NF1: variants seen among roughly 807,000 people sequenced by gnomAD.
NF1 encodes neurofibromin 1.
NF1 carries 122 observed loss-of-function variants against 325.7 expected under a neutral mutation model. The observed-to-expected ratio is 0.37, with a 90% CI of 0.32 to 0.44. NF1 has a LOEUF of 0.44. Among genes scored for constraint, NF1 ranks in the 20% least tolerant of loss-of-function variants. NF1 has a pLI of 1.00. For synonymous variants in NF1, 1,091 were observed against 1,186.0 expected (o/e 0.92, Z 1.65); for missense variants, 2,140 against 3,415.4 (o/e 0.63, Z 9.31).
intron 8 of NF1, among the ~76,000 whole-genome samples, chr17:31,187,983 GA>G (rs1235920751): frequency 1.3e-5 from 2 of 152,222 alleles, no homozygotes; most frequent in African/African-American, 4.8e-5. Context: ...CTCCATAGCG[GA>G]GGTAAAGAAG....
chr17:31,193,448 T>A lies in NF1; in HGVS notation c.889-6974T>A, dbSNP rs1417824561. On this transcript the variant is annotated intron_variant, in intron 8 of 57. Transcript: ENST00000358273. ...CTCAGCCTTCAGATAGCTGCAACTA[T>A]AAGCATGCACCACCGCACCCAGCTT... 2.6e-5 allele frequency among the ~76,000 whole-genome samples: 4 copies of A among 152,230 alleles called. No homozygotes were observed. The East Asian group carries it at 7.7e-4, about 29-fold the overall frequency.
At chr17:31,338,932 T>C (rs2069751854) in intron 46 of NF1, 127 bp downstream of exon 46, 3 of 684,030 alleles carry the variant, frequency 4.4e-6, no homozygotes, top group Non-Finnish European at 7.8e-6. Flanking sequence ...ATAGTTAAAG[T>C]AGAACCTCTT....
intron 36 of NF1, chr17:31,299,385 A>G (rs964837402): frequency 6.6e-6 from 1 of 152,100 alleles, no homozygotes; most frequent in Non-Finnish European, 1.5e-5. Flanking sequence ...GTTACAACTT[A>G]TTTTAAATAT....
At chr17:31,343,408 G>A (rs2069880061) in intron 48 of NF1, among the ~76,000 whole-genome samples, 2 of 151,980 alleles carry the variant, frequency 1.3e-5, no homozygotes, top group Admixed American at 1.3e-4. Flanking sequence ...AGCCAGGCAT[G>A]GTGGCACGTG....
intron 1 of NF1, among the ~76,000 whole-genome samples, chr17:31,120,777 T>TA (rs1482162120): frequency 6.8e-6 from 1 of 147,982 alleles, no homozygotes; most frequent in Admixed American, 6.6e-5. Context: ...TCCCAGAACT[T>TA]AAAGTATTTA....
chr17:31,325,581 G>A (rs2069320060), intron 36 of NF1, among the ~76,000 whole-genome samples: 2 of 152,108 alleles, frequency 1.3e-5, no homozygotes, highest in Non-Finnish European at 2.9e-5. Context: ...TGACTCATGG[G>A]CAAATTTTTT....
intron 36 of NF1, chr17:31,304,414 T>C (rs901270381): frequency 1.2e-6 from 2 of 1,613,954 alleles, no homozygotes; most frequent in Non-Finnish European, 1.7e-6. Context: ...GTTAAGTGAG[T>C]CAAGCGGTGG....
chr17:31,103,751 CT>C (rs1912584626), intron 1 of NF1, among the ~76,000 whole-genome samples: 1 of 151,908 alleles, frequency 6.6e-6, no homozygotes, highest in Non-Finnish European at 1.5e-5. Context: ...GGGAGGATCA[CT>C]TGGGCCTCAG....
At chr17:31,212,687 G>C (rs2066749514) in intron 12 of NF1, among the ~76,000 whole-genome samples, 1 of 152,190 alleles carries the variant, frequency 6.6e-6, no homozygotes, top group African/African-American at 2.4e-5. Context: ...TCCAGCCTGG[G>C]CAACAAAGTG....
At chr17:31,141,489 A>G (rs1916213388) in intron 1 of NF1, among the ~76,000 whole-genome samples, 1 of 152,132 alleles carries the variant, frequency 6.6e-6, no homozygotes, top group Admixed American at 6.5e-5. Flanking sequence ...TAGAATTTAA[A>G]TGTTATCCTT....
intron 36 of NF1, among the ~76,000 whole-genome samples, chr17:31,290,382 T>G (rs2068322111): frequency 6.6e-6 from 1 of 152,228 alleles, no homozygotes. Context: ...TCATCTCATT[T>G]ATTGAGTCTT....
chr17:31,175,721 C>A (rs1430689175), intron 5 of NF1, among the ~76,000 whole-genome samples: 2 of 152,066 alleles, frequency 1.3e-5, no homozygotes, highest in African/African-American at 4.8e-5. Context: ...GGTCCTCTCC[C>A]TGTGTACATG....
At chr17:31,259,714 A>G (rs2067650364) in intron 33 of NF1, among the ~76,000 whole-genome samples, 1 of 152,182 alleles carries the variant, frequency 6.6e-6, no homozygotes, top group Non-Finnish European at 1.5e-5. Flanking sequence ...TCTTTGCCTG[A>G]GTTGTTTTTA....
intron 36 of NF1, among the ~76,000 whole-genome samples, chr17:31,273,317 C>T (rs1354238914): frequency 6.6e-6 from 1 of 151,890 alleles, no homozygotes; most frequent in African/African-American, 2.4e-5. Flanking sequence ...TCTTCATTAA[C>T]AACAACAACA....
At chr17:31,197,542 T>G (rs191930878) in intron 8 of NF1, among the ~76,000 whole-genome samples, 35 of 152,292 alleles carry the variant, frequency 2.3e-4, no homozygotes, top group Admixed American at 1.0e-3. Context: ...GATTAATTCC[T>G]ATGTATTTTA....
intron 36 of NF1, among the ~76,000 whole-genome samples, chr17:31,301,532 A>G (rs1381655268): frequency 1.3e-5 from 2 of 152,168 alleles, no homozygotes; most frequent in Non-Finnish European, 2.9e-5. Context: ...ATCAGAATTC[A>G]GTAAGAACAA....
intron 29 of NF1, among the ~76,000 whole-genome samples, chr17:31,245,915 G>T (rs2067382139): frequency 6.6e-6 from 1 of 152,098 alleles, no homozygotes; most frequent in African/African-American, 2.4e-5. Context: ...ATCGAAACTT[G>T]GTCTTTCTGG....
At chr17:31,338,917 A>T in intron 46 of NF1, 112 bp downstream of exon 46, 1 of 760,976 alleles carries the variant, frequency 1.3e-6, no homozygotes, top group Non-Finnish European at 2.3e-6. Context: ...TATAAAGAAA[A>T]AACTATAGTT....
intron 29 of NF1, among the ~76,000 whole-genome samples, chr17:31,247,638 A>G (rs898202501): frequency 3.3e-5 from 5 of 152,248 alleles, no homozygotes; most frequent in Non-Finnish European, 7.3e-5. Flanking sequence ...TTATATCTGC[A>G]TATACTCAAT....
Sources: gnomAD v4.1 joint callset for allele counts (sites outside exome capture counted in the v4.1 genomes callset) on GRCh38, gnomAD v4.1.1 for gene constraint, MANE v1.5 for transcripts, NCBI Gene and HGNC (gene_info 2026-07-23, HGNC 2026-07-21) for gene names.